SLC30A4: variants seen among roughly 807,000 people sequenced by gnomAD.
The protein encoded by SLC30A4 is solute carrier family 30 member 4.
In SLC30A4, 20 loss-of-function variants were observed where a neutral mutation model predicts 41.7. The ratio of observed to expected loss-of-function variants is 0.48; its 90% CI spans 0.34 to 0.70. SLC30A4 has a LOEUF of 0.70. Ranked by LOEUF, SLC30A4 falls within the 30% of genes least tolerant of loss-of-function variation. SLC30A4 has a pLI of 0.01. For missense variants in SLC30A4, 441 were observed against 529.3 expected, an observed-to-expected ratio of 0.83 and a Z score of 1.64; for synonymous variants, 181 against 195.9, an observed-to-expected ratio of 0.92 and a Z score of 0.64.
In SLC30A4 at chr15:45,484,135, A is replaced by G. The variant is rs1403400147; in HGVS notation, c.*1028T>C. The G allele has an allele frequency of 1.3e-5, 2 of 152,652 alleles. No individual in the cohort carries two copies. Among genetic ancestry groups the G allele is most frequent in the Non-Finnish European group, 2.9e-5 (2 of 68,046 alleles). The allele number at this position is 152,652 out of a possible 1,614,324, so 9.5% of individuals were successfully genotyped here. On this transcript the variant is annotated 3_prime_UTR_variant, in exon 8 of 8. Transcript: ENST00000261867. ...TTAATGTTGTTGAACTATATGTGAA[A>G]GGTGGGAATTATAAACTGAACCCTC...
At chr15:45,508,935 T>A (rs1892219356) in intron 3 of SLC30A4, among the ~76,000 whole-genome samples, 1 of 152,210 alleles carries the variant, frequency 6.6e-6, no homozygotes, top group Admixed American at 6.5e-5. Flanking sequence ...ATGTGTAGCA[T>A]CTTCTGTGTT....
chr15:45,512,893 C>T (rs939565120), intron 2 of SLC30A4, among the ~76,000 whole-genome samples: 3 of 151,722 alleles, frequency 2.0e-5, no homozygotes, highest in Non-Finnish European at 2.9e-5. Flanking sequence ...TTTGGGAGGC[C>T]GAGGTGGGAG....
chr15:45,504,213 TAAC>T (rs2140834087), intron 3 of SLC30A4, among the ~76,000 whole-genome samples: 1 of 152,290 alleles, frequency 6.6e-6, no homozygotes, highest in African/African-American at 2.4e-5. Context: ...GAATAGCATA[TAAC>T]AACATCACTG....
At chr15:45,485,722 T>C (rs533046039) in intron 7 of SLC30A4, among the ~76,000 whole-genome samples, 27 of 152,034 alleles carry the variant, frequency 1.8e-4, no homozygotes, top group African/African-American at 3.6e-4. Context: ...TTCTTTCTTT[T>C]TTTTTTTTTT....
At chr15:45,506,928 A>G (rs1892167681) in intron 3 of SLC30A4, among the ~76,000 whole-genome samples, 2 of 152,318 alleles carry the variant, frequency 1.3e-5, no homozygotes. Flanking sequence ...CATCATCACT[A>G]CTAATTCCAG....
intron 3 of SLC30A4, among the ~76,000 whole-genome samples, chr15:45,510,892 C>T (rs1419280825): frequency 3.3e-5 from 5 of 152,174 alleles, no homozygotes; most frequent in African/African-American, 1.2e-4. Flanking sequence ...CTGATGATAT[C>T]TTCAGGACAT....
chr15:45,511,966 G>A (rs1892307052), intron 2 of SLC30A4, among the ~76,000 whole-genome samples: 1 of 152,146 alleles, frequency 6.6e-6, no homozygotes, highest in Non-Finnish European at 1.5e-5. Context: ...AAGAAAAGAA[G>A]GGTGTTCACT....
chr15:45,522,156 G>C lies in SLC30A4; in HGVS notation c.199C>G (p.Pro67Ala), dbSNP rs991935272. 6.2e-7 allele frequency: 1 copy of C among 1,614,218 alleles called. No homozygotes were observed. The highest frequency in any genetic ancestry group is 8.5e-7 in the Non-Finnish European group (1 of 1,180,030). ...APERPVNGAH[P>A]TLQADDDSLL... Reference sequence around the variant, plus strand: ...GAATCATCGTCGGCCTGGAGGGTCGGGTGCGCCCCGTTAACAGGCCTTTCC... The same window carrying C: ...GAATCATCGTCGGCCTGGAGGGTCGCGTGCGCCCCGTTAACAGGCCTTTCC... The change falls in exon 2 of 8, where the codon CCG (proline) becomes GCG (alanine). Residue 67 changes from proline to alanine, a missense_variant. Pro to Ala is a conservative substitution (Grantham distance 27, BLOSUM62 -1). Coordinates refer to ENST00000261867, the MANE Select transcript of SLC30A4 (RefSeq NM_013309.6).
rs1891648853 is a variant in SLC30A4 at position 45,483,845 on chromosome 15, G to A, written c.*1318C>T. The stretch of plus-strand genomic sequence containing the variant: ...GGTCACGCCACTGCACTCCAGCCTG[G>A]GTGACAGAGTGAGACTCTCTCAAGA... On this transcript the variant is annotated 3_prime_UTR_variant, in exon 8 of 8. Transcript: ENST00000261867. 1 of 152,150 alleles carries A rather than the reference G, an allele frequency of 6.6e-6. No individual in the cohort carries two copies. Among genetic ancestry groups the A allele is most frequent in the African/African-American group, 2.4e-5 (1 of 41,368 alleles). The allele number at this position is 152,150 out of a possible 1,614,324, so 9.4% of individuals were successfully genotyped here.
chr15:45,484,985 CT>C lies in SLC30A4; in HGVS notation c.*177del. 1 of 551,620 alleles carries C rather than the reference CT, an allele frequency of 1.8e-6. No homozygotes were observed. The highest frequency in any genetic ancestry group is 3.2e-6 in the Non-Finnish European group (1 of 315,604). The allele number at this position is 551,620 out of a possible 1,614,324, so 34.2% of individuals were successfully genotyped here. On this transcript the variant is annotated 3_prime_UTR_variant, in exon 8 of 8. Coordinates refer to ENST00000261867, the MANE Select transcript of SLC30A4 (RefSeq NM_013309.6). ...CTTCATCTGAAAATTATGGCAAAGT[CT>C]CCTTTTACCATTAAACAGAGACTAG...
intron 3 of SLC30A4, among the ~76,000 whole-genome samples, chr15:45,507,127 C>T (rs1005969625): frequency 3.3e-5 from 5 of 152,104 alleles, no homozygotes; most frequent in Admixed American, 3.3e-4. Context: ...CCAGATCATC[C>T]TGGCCAACAT....
chr15:45,494,665 G>A (rs1388042721), intron 3 of SLC30A4, among the ~76,000 whole-genome samples: 1 of 151,956 alleles, frequency 6.6e-6, no homozygotes, highest in Non-Finnish European at 1.5e-5. Flanking sequence ...TCCAGCCCGG[G>A]TGGCAGAGCG....
In SLC30A4 at chr15:45,488,837, T is replaced by A; in HGVS notation, c.894+4A>T. 9 of 1,606,058 alleles carry A rather than the reference T, an allele frequency of 5.6e-6. No homozygotes were observed. Among genetic ancestry groups the A allele is most frequent in the Non-Finnish European group, 7.7e-6 (9 of 1,173,994 alleles). On this transcript the variant is annotated splice_donor_region_variant and intron_variant, in intron 5 of 7. Coordinates refer to ENST00000261867, the MANE Select transcript of SLC30A4 (RefSeq NM_013309.6). ...TAAAATAGAAAAATTACCAATCATA[T>A]TACCTTGAATCGTATGATGTATGCA...
At chr15:45,498,480 T>C (rs1891951594) in intron 3 of SLC30A4, among the ~76,000 whole-genome samples, 1 of 152,134 alleles carries the variant, frequency 6.6e-6, no homozygotes, top group South Asian at 2.1e-4. Context: ...GCTAAAGACA[T>C]CATAGAGGAT....
At chr15:45,500,614 G>GTCTGTCTGTCTATCTA (rs768291285) in intron 3 of SLC30A4, among the ~76,000 whole-genome samples, 1 of 149,626 alleles carries the variant, frequency 6.7e-6, no homozygotes, top group East Asian at 2.0e-4. Context: ...TTAAGGGTCT[G>GTCTGTCTGTCTATCTA]TCTATCTATC....
chr15:45,517,866 C>T (rs763902515), intron 2 of SLC30A4, among the ~76,000 whole-genome samples: 5 of 151,968 alleles, frequency 3.3e-5, no homozygotes, highest in African/African-American at 4.8e-5. Context: ...GAGAATGGCA[C>T]GAACCCGGGA....
At chr15:45,492,974 C>G (rs2140819602) in intron 3 of SLC30A4, among the ~76,000 whole-genome samples, 1 of 152,130 alleles carries the variant, frequency 6.6e-6, no homozygotes, top group East Asian at 1.9e-4. Context: ...ATGTGAAGTA[C>G]ATTTAAAAAC....
At position 45,484,081 on chromosome 15, in the gene SLC30A4, A is replaced by C. The variant is rs1014749717; in HGVS notation, c.*1082T>G. ...TAAAATATATAATAAAACATAACCC[A>C]TATCATAAAACATAAAATTCTCTCT... On this transcript the variant is annotated 3_prime_UTR_variant, in exon 8 of 8. Transcript: ENST00000261867. The C allele has an allele frequency of 6.6e-6, 1 of 152,612 alleles. No homozygotes were observed. Among genetic ancestry groups the C allele is most frequent in the Non-Finnish European group, 1.5e-5 (1 of 68,050 alleles). 9.5% of individuals were successfully genotyped at this position (152,612 alleles called of 1,614,324 possible).
chr15:45,499,442 TAC>T (rs1891974316), intron 3 of SLC30A4, among the ~76,000 whole-genome samples: 1 of 152,142 alleles, frequency 6.6e-6, no homozygotes, highest in South Asian at 2.1e-4. Flanking sequence ...CTCTGCTTAC[TAC>T]AGTCCTTTCA....
Sources: gnomAD v4.1 joint callset for allele counts (sites outside exome capture counted in the v4.1 genomes callset) on GRCh38, gnomAD v4.1.1 for gene constraint, MANE v1.5 for transcripts, NCBI Gene and HGNC (gene_info 2026-07-23, HGNC 2026-07-21) for gene names.